ARAP3: variants seen among roughly 807,000 people sequenced by gnomAD.
The protein encoded by ARAP3 is ArfGAP with RhoGAP domain, ankyrin repeat and PH domain 3, also known as arf-GAP with Rho-GAP domain, ANK repeat and PH domain-containing protein 3.
ARAP3 carries 82 observed loss-of-function variants against 169.2 expected under a neutral mutation model. That is an observed-to-expected ratio of 0.48 (90% confidence interval 0.41 to 0.58). The LOEUF (loss-of-function observed/expected upper bound fraction) is 0.58, where lower values mean the gene tolerates loss of function less well. Ranked by LOEUF, ARAP3 falls within the 20% of genes least tolerant of loss-of-function variation. The pLI is 0.00. For synonymous variants in ARAP3, 791 were observed against 800.3 expected, an observed-to-expected ratio of 0.99 and a Z score of 0.20; for missense variants, 1,764 against 2,018.0, an observed-to-expected ratio of 0.87 and a Z score of 2.41.
rs750704952 is a variant in ARAP3 at position 141,669,881 on chromosome 5, G to T, written c.2249+41C>A. 17 of 1,609,554 alleles carry T rather than the reference G, an allele frequency of 1.1e-5. 2 individuals carry two copies. Among genetic ancestry groups the T allele is most frequent in the Middle Eastern group, 1.7e-4 (1 of 6,042 alleles). ...GGGCTGTCAGGCTGGAGGTTGGGAAGAGAAAAGGGGGAAGCTCAGTGGTCA... is the reference window on the plus strand; with the variant it reads ...GGGCTGTCAGGCTGGAGGTTGGGAATAGAAAAGGGGGAAGCTCAGTGGTCA... On this transcript the variant is annotated intron_variant, in intron 15 of 32. Transcript: ENST00000239440.
At chr5:141,665,202 C>A in intron 18 of ARAP3, 109 bp downstream of exon 18, 1 of 1,566,546 alleles carries the variant, frequency 6.4e-7, no homozygotes, top group Non-Finnish European at 8.7e-7. Context: ...CATCCTGGAG[C>A]AAGGGAAGAA....
Position 141,653,839 on chromosome 5 carries a change from C to G in ARAP3, c.*111G>C. 3 of 1,437,324 alleles carry G rather than the reference C, an allele frequency of 2.1e-6. No homozygotes were observed. Among genetic ancestry groups the G allele is most frequent in the South Asian group, 3.0e-5 (2 of 66,888 alleles). The allele number at this position is 1,437,324 out of a possible 1,614,324, so 89.0% of individuals were successfully genotyped here. Reference sequence around the variant, plus strand: ...TAGTCCAGTGCTCCTTCCACAGCACCACACTGGATTCTGGAGTCTTTCCAG... The same window carrying G: ...TAGTCCAGTGCTCCTTCCACAGCACGACACTGGATTCTGGAGTCTTTCCAG... On this transcript the variant is annotated 3_prime_UTR_variant, in exon 33 of 33. Transcript: ENST00000239440.
intron 6 of ARAP3, 22 bp from the exon 7 acceptor site, chr5:141,673,155 AC>A (rs1312056749): frequency 1.2e-6 from 2 of 1,613,864 alleles, no homozygotes; most frequent in Non-Finnish European, 1.7e-6. Context: ...GAGCTCAATG[AC>A]CCATGAGGAC....
Position 141,658,696 on chromosome 5 carries a change from G to T in ARAP3, c.3337-43C>A, listed in dbSNP as rs756385075. The stretch of plus-strand genomic sequence containing the variant: ...AAAGTCAGAAGGGCAAAAAAAGGGT[G>T]CAAAAGACATCAAAGTCAGAGGGTT... On this transcript the variant is annotated intron_variant, in intron 23 of 32. Transcript: ENST00000239440. 3.3e-6 allele frequency: 5 copies of T among 1,526,520 alleles called. No individual in the cohort carries two copies. In the South Asian group the frequency reaches 3.7e-5, roughly 11 times the overall value. The allele number at this position is 1,526,520 out of a possible 1,614,324, so 94.6% of individuals were successfully genotyped here.
Position 141,672,946 on chromosome 5 carries a change from G to A in ARAP3, c.1094-21C>T. ...CTGAGCTGGTGGGGATGGAGAAGCAGGTCAGTGGCTGTTGCTCACACAGCC... is the reference window on the plus strand; with the variant it reads ...CTGAGCTGGTGGGGATGGAGAAGCAAGTCAGTGGCTGTTGCTCACACAGCC... On this transcript the variant is annotated intron_variant, in intron 7 of 32. Coordinates refer to ENST00000239440, the MANE Select transcript of ARAP3 (RefSeq NM_022481.6). The surrounding 1 kb of genome is among the most constrained non-coding windows in gnomAD (Gnocchi z 4.9). The A allele has an allele frequency of 1.9e-6, 3 of 1,612,506 alleles. No homozygotes were observed. Among genetic ancestry groups the A allele is most frequent in the Non-Finnish European group, 2.5e-6 (3 of 1,178,994 alleles).
intron 22 of ARAP3, 60 bp downstream of exon 22, chr5:141,659,719 C>T: frequency 1.3e-6 from 2 of 1,573,914 alleles, no homozygotes; most frequent in East Asian, 2.3e-5. Context: ...GATCCAGAGT[C>T]TCTGGGTCCT....
At chr5:141,673,993 C>T (rs1312637719) in intron 4 of ARAP3, among the ~76,000 whole-genome samples, 185 bp from the exon 5 acceptor site, 29 of 119,562 alleles carry the variant, frequency 2.4e-4, no homozygotes, top group African/African-American at 9.0e-4. Context: ...GATGGAGCTT[C>T]GCTCTTGTTG....
At chr5:141,661,913 C>A in intron 20 of ARAP3, 124 bp from the exon 21 acceptor site, 2 of 1,497,072 alleles carry the variant, frequency 1.3e-6, no homozygotes, top group Admixed American at 1.7e-5. Context: ...CCCACCTCCC[C>A]CTGAGCCAAG....
rs2099912797 is a variant in ARAP3 at position 141,680,412 on chromosome 5, G to C, written c.75C>G (p.Phe25Leu). The C allele has an allele frequency of 1.2e-6, 2 of 1,613,578 alleles. No homozygotes were observed. Among genetic ancestry groups the C allele is most frequent in the African/African-American group, 2.7e-5 (2 of 75,072 alleles). ...TVHLEQYADT[F>L]RRHGLATAGA... ...CTGCTGTAGCCAGGCCATGCCGTCG[G>C]AACGTGTCTGCATACTGCTCCAGGT... Residue 25 changes from phenylalanine (F) to leucine (L), a missense_variant, in exon 2 of 33, where the codon TTC becomes TTG. Phe to Leu is a conservative substitution (Grantham distance 22). Around this residue, in one of 3 missense-constraint regions of ARAP3, gnomAD observed 630 missense variants for 678.7 expected, o/e 0.93. Coordinates refer to ENST00000239440, the MANE Select transcript of ARAP3 (RefSeq NM_022481.6).
At chr5:141,675,564 C>CA (rs201971326) in intron 4 of ARAP3, among the ~76,000 whole-genome samples, 3,535 of 150,864 alleles carry the variant, frequency 0.023, 126 homozygotes, top group African/African-American at 0.081. Context: ...ACTAAAAATA[C>CA]AAAAAAAAAT....
chr5:141,664,436 C>T (rs1216948646), intron 19 of ARAP3, among the ~76,000 whole-genome samples: 4 of 152,016 alleles, frequency 2.6e-5, no homozygotes, highest in African/African-American at 9.7e-5. Flanking sequence ...ATTATGGGGG[C>T]CACTTGCACA....
chr5:141,655,528 G>A, intron 31 of ARAP3, 93 bp downstream of exon 31: 3 of 1,599,492 alleles, frequency 1.9e-6, no homozygotes, highest in Admixed American at 1.7e-5. Context: ...TGAGCATAGG[G>A]TGGCACCAGG....
rs954656562 is a variant in ARAP3, at chr5:141,679,891, C to T, written c.525-69G>A. 2.9e-5 allele frequency: 47 copies of T among 1,610,484 alleles called. 1 individual carries two copies. In the South Asian group the frequency reaches 3.5e-4, roughly 12 times the overall value. On this transcript the variant is annotated intron_variant, in intron 2 of 32. Transcript: ENST00000239440. ...GAACAAGCCTTCATGCCCTGCTCCC[C>T]GCCTCCGTCCCCCTCATGCTCTCCT... is the stretch of plus-strand genomic sequence containing the variant.
In ARAP3 at chr5:141,656,623, T is replaced by C. The variant is rs1245332223; in HGVS notation, c.3670A>G (p.Ser1224Gly). 1.2e-6 allele frequency: 2 copies of C among 1,613,448 alleles called. No individual in the cohort carries two copies. The highest frequency in any genetic ancestry group is 2.7e-5 in the African/African-American group (2 of 74,898). The change falls in exon 27 of 33, where the codon AGC becomes GGC. Residue 1224 changes from serine (S) to glycine (G), a missense_variant. Physicochemically the swap from Ser to Gly is moderately conservative, Grantham distance 56 (BLOSUM62 0). Around this residue, in one of 3 missense-constraint regions of ARAP3, gnomAD observed 1,112 missense variants for 1,285.7 expected, o/e 0.86. Coordinates refer to ENST00000239440, the MANE Select transcript of ARAP3 (RefSeq NM_022481.6). ...CACCGCAACAGCCCCACCCGTGGGC[T>C]CTCACGTCGGATACCTGGGCATAGA... ...GCLFTGIRRE[S>G]PRVGLLRCRE...
chr5:141,665,209 A>G, intron 18 of ARAP3, 102 bp downstream of exon 18: 1 of 1,569,300 alleles, frequency 6.4e-7, no homozygotes, highest in Non-Finnish European at 8.7e-7. Flanking sequence ...GAGCAAGGGA[A>G]GAAACTTTGA....
At chr5:141,656,157 A>C (rs1228844839) in intron 28 of ARAP3, 37 bp downstream of exon 28, 1 of 1,613,932 alleles carries the variant, frequency 6.2e-7, no homozygotes, top group Non-Finnish European at 8.5e-7. Context: ...TGAAGGCAGG[A>C]AGGCCCTGGA....
intron 32 of ARAP3, among the ~76,000 whole-genome samples, chr5:141,655,144 CCTCT>C (rs1194817708): frequency 2.2e-5 from 3 of 138,680 alleles, no homozygotes; most frequent in African/African-American, 2.7e-5. Flanking sequence ...CCTCGCTCTC[CCTCT>C]CTCTCTCTCA....
At position 141,656,501 on chromosome 5, in the gene ARAP3, C is replaced by A; in HGVS notation, c.3789+3G>T. On this transcript the variant is annotated splice_donor_region_variant and intron_variant, in intron 27 of 32. Transcript: ENST00000239440. The stretch of plus-strand genomic sequence containing the variant: ...TCCCACACCTCTGGCCCCAGGGCCT[C>A]ACTTTCTTCTCCTTGAGCAGCAGCA... 1 of 1,610,908 alleles carries A rather than the reference C, an allele frequency of 6.2e-7. No individual in the cohort carries two copies. Among genetic ancestry groups the A allele is most frequent in the Non-Finnish European group, 8.5e-7 (1 of 1,178,546 alleles).
chr5:141,659,696 T>C (rs1206066903), intron 22 of ARAP3, 83 bp downstream of exon 22: 14 of 1,542,708 alleles, frequency 9.1e-6, no homozygotes, highest in South Asian at 1.2e-5. Context: ...TGGGGGCTTG[T>C]TGGGGTGATC....
Sources: gnomAD v4.1 joint callset for allele counts (sites outside exome capture counted in the v4.1 genomes callset) on GRCh38, gnomAD v4.1.1 for gene constraint, gnomAD v4.1.1 regional missense constraint, Gnocchi (gnomAD v3.1) non-coding constraint, MANE v1.5 for transcripts, NCBI Gene and HGNC (gene_info 2026-07-23, HGNC 2026-07-21) for gene names.